Variants in MROH7 observed in about 807,000 individuals in gnomAD.
MROH7 encodes maestro heat like repeat family member 7.
MROH7 carries 113 observed loss-of-function variants against 129.2 expected under a neutral mutation model. The observed-to-expected ratio is 0.87, with a 90% CI of 0.75 to 1.02. The LOEUF (loss-of-function observed/expected upper bound fraction) is 1.02, where lower values mean the gene tolerates loss of function less well. Among genes scored for constraint, MROH7 ranks in the 50% least tolerant of loss-of-function variants. MROH7 has a pLI of 0.00. For synonymous variants in MROH7, 655 were observed against 667.9 expected (o/e 0.98, Z 0.30); for missense variants, 1,601 against 1,671.3 (o/e 0.96, Z 0.73).
chr1:54,686,204 G>A (rs1645144108), intron 14 of MROH7, 54 bp from the exon 15 acceptor site: 3 of 1,486,966 alleles, frequency 2.0e-6, no homozygotes, highest in Non-Finnish European at 2.8e-6. Flanking sequence ...CCCCAGCCAG[G>A]AGTGCTGGGA....
In MROH7 at chr1:54,670,876, C is replaced by A. The variant is rs769945949; in HGVS notation, c.1546C>A (p.Pro516Thr). 1 of 1,613,094 alleles carries A rather than the reference C, an allele frequency of 6.2e-7. No homozygotes were observed. The highest frequency in any genetic ancestry group is 1.3e-5 in the African/African-American group (1 of 74,926). ...NVCVHSVFSL[P>T]SVQAMQEKDE... is the part of the protein sequence containing the mutation. ...GTGTGTGCACAGCGTGTTCTCCCTG[C>A]CCTCCGTGCAGGCGATGCAGGAGAA... Residue 516 changes from proline to threonine, a missense_variant, in exon 7 of 24, where the codon CCC becomes ACC. By Grantham distance (38) the Pro-to-Thr change is conservative. Coordinates refer to ENST00000421030, the MANE Select transcript of MROH7 (RefSeq NM_001039464.4).
intron 1 of MROH7, among the ~76,000 whole-genome samples, chr1:54,646,413 G>GCTT (rs1243710488): frequency 6.6e-6 from 1 of 152,158 alleles, no homozygotes; most frequent in Admixed American, 6.5e-5. Flanking sequence ...TGTGTGTCAG[G>GCTT]CTTCTGTGGT....
At position 54,670,833 on chromosome 1, in the gene MROH7, G is replaced by A. The variant is rs1557704230; in HGVS notation, c.1503G>A (p.Arg501=). ...AGCCCACCCTGGGCATGCGGGAGAG[G>A]TCGGAGCTGGTGAACGTGTGTGTGC... The part of the protein sequence containing the change: ...HTQPTLGMRE[R]SELVNVCVHS... The change falls in exon 7 of 24, where the codon AGG becomes AGA. Residue 501 remains arginine (R), a synonymous_variant. Transcript: ENST00000421030. The A allele has an allele frequency of 1.2e-6, 2 of 1,614,076 alleles. No homozygotes were observed. Among genetic ancestry groups the A allele is most frequent in the Admixed American group, 1.7e-5 (1 of 60,016 alleles).
chr1:54,694,427 G>C (rs1173722327), intron 16 of MROH7, among the ~76,000 whole-genome samples: 1 of 152,228 alleles, frequency 6.6e-6, no homozygotes, highest in African/African-American at 2.4e-5. Flanking sequence ...ACTGGTTGCT[G>C]TGCCCCGTAC....
At chr1:54,650,245 AG>A (rs1395114806) in intron 1 of MROH7, among the ~76,000 whole-genome samples, 1 of 152,178 alleles carries the variant, frequency 6.6e-6, no homozygotes, top group Non-Finnish European at 1.5e-5. Context: ...AGAGGGGAAA[AG>A]TCTCTTGCCC....
Position 54,673,099 on chromosome 1 carries a change from C to A in MROH7, c.1608C>A (p.Tyr536Ter). Reference sequence around the variant, plus strand: ...CCTCCTCCCATCCACAGGCTCTTTACCATCAGACCCTGGAGGCCCTGCAGA... The same window carrying A: ...CCTCCTCCCATCCACAGGCTCTTTAACATCAGACCCTGGAGGCCCTGCAGA... ...EAKAETIQAL[Y>*]HQTLEALQTL... is the part of the protein sequence containing the mutation. Residue 536 changes from tyrosine (Y) to a stop codon, truncating the protein, a stop_gained, in exon 8 of 24, where the codon TAC becomes TAA. Coordinates refer to ENST00000421030, the MANE Select transcript of MROH7 (RefSeq NM_001039464.4). LOFTEE classifies it high-confidence loss of function. 3 of 1,613,140 alleles carry A rather than the reference C, an allele frequency of 1.9e-6. No homozygotes were observed. In the South Asian group the frequency reaches 3.3e-5, roughly 18 times the overall value.
intron 21 of MROH7, among the ~76,000 whole-genome samples, chr1:54,704,904 A>G (rs1645507697): frequency 6.9e-6 from 1 of 145,114 alleles, no homozygotes; most frequent in Non-Finnish European, 1.5e-5. Context: ...GGTTCAAGTG[A>G]TTCTCCTGCC....
intron 16 of MROH7, among the ~76,000 whole-genome samples, chr1:54,694,485 G>A (rs1358790151): frequency 6.6e-6 from 1 of 152,094 alleles, no homozygotes; most frequent in East Asian, 1.9e-4. Flanking sequence ...CTTCTTTTTT[G>A]AGATGGAGTC....
At chr1:54,672,409 G>A (rs954318579) in intron 7 of MROH7, among the ~76,000 whole-genome samples, 3 of 151,990 alleles carry the variant, frequency 2.0e-5, no homozygotes, top group African/African-American at 7.3e-5. Context: ...AAAAGAGAGG[G>A]TCTTCTCAGA....
chr1:54,697,753 G>A (rs1201788801), intron 17 of MROH7: 2 of 691,512 alleles, frequency 2.9e-6, no homozygotes, highest in Non-Finnish European at 5.3e-6. Flanking sequence ...TTCAGAACAG[G>A]CCTGCCTGAC....
Position 54,699,159 on chromosome 1 carries a change from T to TGTCTGTCTGTCTGTCTG in MROH7, c.2965-1162_2965-1161insGTCTGTCTGTCTGTCTG, listed in dbSNP as rs1293867516. The TGTCTGTCTGTCTGTCTG allele has an allele frequency of 3.5e-4, 23 of 65,978 alleles. 1 individual carries two copies. The highest frequency in any genetic ancestry group is 1.1e-3 in the African/African-American group (19 of 17,688). 4.1% of individuals were successfully genotyped at this position (65,978 alleles called of 1,614,324 possible). On this transcript the variant is annotated intron_variant, in intron 17 of 23. Transcript: ENST00000421030. ...CTTTCTTTCTTTCTTTCTTTCTTTC[T>TGTCTGTCTGTCTGTCTG]TTTCTTTCTTTCTTTCTTTCTTTCT...
rs146461592 is a variant in MROH7 at position 54,708,299 on chromosome 1, T to C, written c.3668-715T>C. On this transcript the variant is annotated intron_variant, in intron 22 of 23. Transcript: ENST00000421030. ...AAAGTTAGCTGGACATAGTGGCAAA[T>C]GCTTATAGTCCTAGCTACTCAGGAG... is the stretch of plus-strand genomic sequence containing the variant. 1.7e-3 allele frequency among the ~76,000 whole-genome samples: 257 copies of C among 152,228 alleles called. 1 individual carries two copies. The highest frequency in any genetic ancestry group is 5.5e-3 in the Admixed American group (84 of 15,288).
In MROH7 at chr1:54,682,805, A is replaced by C. The variant is rs372267575; in HGVS notation, c.2520+11A>C. 1,668 of 1,608,290 alleles carry C rather than the reference A, an allele frequency of 1.0e-3. 1 individual carries two copies. Among genetic ancestry groups the C allele is most frequent in the Non-Finnish European group, 1.3e-3 (1,591 of 1,179,094 alleles). On this transcript the variant is annotated intron_variant, in intron 14 of 23. Transcript: ENST00000421030. ...ATCGTGCCCCTGGCGGTGAGCACCC[A>C]GTCAGCCAGCCCCTATTGCTGCCTG...
chr1:54,701,654 C>T (rs1645438046), intron 19 of MROH7, among the ~76,000 whole-genome samples: 1 of 152,292 alleles, frequency 6.6e-6, no homozygotes, highest in East Asian at 1.9e-4. Context: ...GATCTCAGCT[C>T]GACCTTCCTG....
chr1:54,660,676 A>T (rs776751311), intron 3 of MROH7, among the ~76,000 whole-genome samples: 4 of 152,060 alleles, frequency 2.6e-5, no homozygotes, highest in African/African-American at 9.7e-5. Flanking sequence ...TTAGCCAGAC[A>T]TGGTGGCACA....
At chr1:54,679,150 G>C in intron 11 of MROH7, 113 bp from the exon 12 acceptor site, 2 of 1,072,382 alleles carry the variant, frequency 1.9e-6, no homozygotes, top group South Asian at 2.6e-5. Context: ...GGCCCTCCCT[G>C]CTGACCTCTG....
rs1056236380 is a variant in MROH7 at position 54,641,978 on chromosome 1, T to G, written c.-110+10T>G. 2.6e-5 allele frequency: 4 copies of G among 152,238 alleles called. No individual in the cohort carries two copies. Among genetic ancestry groups the G allele is most frequent in the African/African-American group, 9.7e-5 (4 of 41,448 alleles). The allele number at this position is 152,238 out of a possible 1,614,324, so 9.4% of individuals were successfully genotyped here. A position where few individuals can be genotyped will look rare whatever the true frequency, so the allele number is the denominator to read the frequency against. On this transcript the variant is annotated intron_variant, in intron 1 of 23. Transcript: ENST00000421030. ...GATGCTCCAGGTGAAGGTAACACAT[T>G]GAACTTTACATGAGCAGCCCAAGGC...
chr1:54,650,467 A>T (rs1644537002), intron 1 of MROH7, among the ~76,000 whole-genome samples: 2 of 152,084 alleles, frequency 1.3e-5, no homozygotes. Flanking sequence ...TCAAATGAAG[A>T]AGAGTCTCCC....
intron 15 of MROH7, among the ~76,000 whole-genome samples, chr1:54,690,682 A>G (rs1270995513): frequency 2.6e-5 from 4 of 152,100 alleles, no homozygotes; most frequent in Non-Finnish European, 5.9e-5. Flanking sequence ...TGACCTCGTG[A>G]TCCACCCTCC....
Sources: allele counts gnomAD v4.1 joint callset (sites outside exome capture counted in the v4.1 genomes callset), GRCh38; gene constraint gnomAD v4.1.1; transcripts MANE v1.5; gene names NCBI Gene and HGNC (gene_info 2026-07-23, HGNC 2026-07-21).